SYT3: variants seen among roughly 807,000 people sequenced by gnomAD.
SYT3 encodes the protein synaptotagmin 3.
A neutral mutation model predicts 50.6 loss-of-function variants in SYT3; 25 were observed. That is an observed-to-expected ratio of 0.49 (90% CI 0.36 to 0.69). The LOEUF (loss-of-function observed/expected upper bound fraction) is 0.69, where lower values mean the gene tolerates loss of function less well. SYT3 is among the 30% of genes least tolerant of loss of function. The probability of loss-of-function intolerance (pLI) is 0.00; values close to 1 mark genes in which losing one functional copy is unlikely to be tolerated. For missense variants in SYT3, 589 were observed against 793.6 expected, an observed-to-expected ratio of 0.74 and a Z score of 3.10; for synonymous variants, 323 against 353.9, an observed-to-expected ratio of 0.91 and a Z score of 0.98.
chr19:50,637,002 C>T lies in SYT3; in HGVS notation c.148+262G>A, dbSNP rs941873617. 6.6e-6 allele frequency among the ~76,000 whole-genome samples: 1 copy of T among 152,142 alleles called. No homozygotes were observed. The highest frequency in any genetic ancestry group is 2.4e-5 in the African/African-American group (1 of 41,426). ...GTCTGACTCAAGAGCCTGACATTTG[C>T]ACAAGATGCAGAGAGATATCTGAAG... On this transcript the variant is annotated intron_variant, in intron 3 of 10. Coordinates refer to ENST00000600079, the MANE Select transcript of SYT3 (RefSeq NM_001160329.2). This position sits in a 1 kb window ranked among gnomAD's most constrained non-coding sequence, Gnocchi z 4.9.
Position 50,625,776 on chromosome 19 carries a change from A to T in SYT3, c.1402+121T>A. 1.7e-6 allele frequency: 1 copy of T among 586,784 alleles called. No homozygotes were observed. Among genetic ancestry groups the T allele is most frequent in the Non-Finnish European group, 2.9e-6 (1 of 348,464 alleles). The allele number at this position is 586,784 out of a possible 1,614,324, so 36.3% of individuals were successfully genotyped here. A position where few individuals can be genotyped will look rare whatever the true frequency, so the allele number is the denominator to read the frequency against. On this transcript the variant is annotated intron_variant, in intron 7 of 10. Coordinates refer to ENST00000600079, the MANE Select transcript of SYT3 (RefSeq NM_001160329.2). This position sits in a 1 kb window ranked among gnomAD's most constrained non-coding sequence, Gnocchi z 7.5. ...CCCTGGCCCCTCCTCCCTCAGACCC[A>T]GGAGTCCAGATCCCCAGCTCCTCCT...
chr19:50,635,731 A>T (rs1268049744), intron 3 of SYT3, among the ~76,000 whole-genome samples: 1 of 152,180 alleles, frequency 6.6e-6, no homozygotes. Flanking sequence ...CCGACCCCCA[A>T]TAAAAACCCT....
chr19:50,651,953 T>G, the SYT3 span, among the ~76,000 whole-genome samples: 1 of 152,224 alleles, frequency 6.6e-6, no homozygotes, highest in African/African-American at 2.4e-5. Context: ...ACTTTTTGAT[T>G]CATTTAACGC....
rs1409633689 is a variant in SYT3 at position 50,632,004 on chromosome 19, A to G, written c.674+282T>C. 6.6e-6 allele frequency among the ~76,000 whole-genome samples: 1 copy of G among 151,682 alleles called. No homozygotes were observed. The highest frequency in any genetic ancestry group is 2.4e-5 in the African/African-American group (1 of 41,260). The stretch of plus-strand genomic sequence containing the variant: ...TGGGGATCCAACCTTATTCTCCTCT[A>G]CTTTCCTGTCCTAAGTCCTGCCCCC... On this transcript the variant is annotated intron_variant, in intron 4 of 10. Coordinates refer to ENST00000600079, the MANE Select transcript of SYT3 (RefSeq NM_001160329.2). The surrounding 1 kb of genome is among the most constrained non-coding windows in gnomAD (Gnocchi z 4.7).
upstream of SYT3, among the ~76,000 whole-genome samples, chr19:50,642,903 A>G (rs1369317252): frequency 6.6e-6 from 1 of 152,224 alleles, no homozygotes; most frequent in Non-Finnish European, 1.5e-5. Context: ...AATTAAATTC[A>G]TGGAAGGTGC....
intron 9 of SYT3, among the ~76,000 whole-genome samples, chr19:50,624,413 A>T (rs1249986980): frequency 6.6e-6 from 1 of 152,210 alleles, no homozygotes; most frequent in Non-Finnish European, 1.5e-5. Context: ...CAGAATTTGA[A>T]TAATTTGACT....
intron 3 of SYT3, among the ~76,000 whole-genome samples, chr19:50,635,924 G>A (rs1984482152): frequency 6.6e-6 from 1 of 152,184 alleles, no homozygotes; most frequent in African/African-American, 2.4e-5. Flanking sequence ...ACTTCAGTCT[G>A]TATCCTTTCA....
the SYT3 span, among the ~76,000 whole-genome samples, chr19:50,656,582 G>T: frequency 6.6e-6 from 1 of 152,112 alleles, no homozygotes; most frequent in East Asian, 1.9e-4. Context: ...AGGCTGAGGG[G>T]GGCAGGGAGG....
At chr19:50,650,380 C>T in the SYT3 span, among the ~76,000 whole-genome samples, 5,450 of 152,268 alleles carry the variant, frequency 0.036, 313 homozygotes, top group African/African-American at 0.12. Flanking sequence ...AATAGAAAAC[C>T]AAACTCAGGA....
chr19:50,641,302 C>T (rs183246253), upstream of SYT3, among the ~76,000 whole-genome samples: 241 of 149,872 alleles, frequency 1.6e-3, 3 homozygotes, highest in East Asian at 0.013. Context: ...GCCTCAGCCT[C>T]CTGAGTAGCT....
chr19:50,650,160 C>T, the SYT3 span, among the ~76,000 whole-genome samples: 1 of 152,172 alleles, frequency 6.6e-6, no homozygotes, highest in African/African-American at 2.4e-5. Context: ...TTGCTCATAA[C>T]ACTTCCTAGC....
At chr19:50,636,984 T>C (rs1984515189) in intron 3 of SYT3, among the ~76,000 whole-genome samples, 1 of 152,128 alleles carries the variant, frequency 6.6e-6, no homozygotes, top group African/African-American at 2.4e-5. Flanking sequence ...TCAGTCTGAC[T>C]CAAGAGCCTG....
intron 3 of SYT3, among the ~76,000 whole-genome samples, chr19:50,633,941 C>T (rs549579770): frequency 3.9e-5 from 6 of 152,284 alleles, no homozygotes; most frequent in South Asian, 4.2e-4. Flanking sequence ...ATGATGCTAT[C>T]ACACCTCAAC....
the SYT3 span, among the ~76,000 whole-genome samples, chr19:50,650,774 G>A: frequency 6.6e-6 from 1 of 152,216 alleles, no homozygotes; most frequent in African/African-American, 2.4e-5. Context: ...AGCCTTCGAG[G>A]CCGAACAAAT....
chr19:50,655,271 T>C, the SYT3 span, among the ~76,000 whole-genome samples: 2 of 152,042 alleles, frequency 1.3e-5, no homozygotes, highest in African/African-American at 4.8e-5. Flanking sequence ...AGTTAGCTGA[T>C]GGTGGGGTGG....
At chr19:50,647,553 G>A in the SYT3 span, among the ~76,000 whole-genome samples, 1 of 151,792 alleles carries the variant, frequency 6.6e-6, no homozygotes. Context: ...AGTGGTGTGG[G>A]CCTGTGGTCC....
intron 6 of SYT3, among the ~76,000 whole-genome samples, chr19:50,627,763 A>G (rs1984129535): frequency 6.6e-6 from 1 of 151,080 alleles, no homozygotes. Context: ...GAGAGAATGT[A>G]TGAATCAATG....
chr19:50,633,876 G>T (rs1000626472), intron 3 of SYT3, among the ~76,000 whole-genome samples: 11 of 152,320 alleles, frequency 7.2e-5, no homozygotes, highest in Middle Eastern at 3.4e-3. Context: ...CTGGTAGGTG[G>T]TAGAGTCAGG....
intron 2 of SYT3, 119 bp downstream of exon 2, chr19:50,638,906 G>A (rs531251513): frequency 6.5e-6 from 1 of 152,850 alleles, no homozygotes; most frequent in East Asian, 1.9e-4. Flanking sequence ...CAGGCATCAA[G>A]ATGGGTTGAA....
Sources: allele counts gnomAD v4.1 joint callset (sites outside exome capture counted in the v4.1 genomes callset), GRCh38; gene constraint gnomAD v4.1.1; non-coding constraint Gnocchi (gnomAD v3.1); transcripts MANE v1.5; gene names NCBI Gene and HGNC (gene_info 2026-07-23, HGNC 2026-07-21).